SLC26A7: variants seen among roughly 807,000 people sequenced by gnomAD.
SLC26A7 encodes solute carrier family 26 member 7, also known as anion exchange transporter.
SLC26A7 carries 59 observed loss-of-function variants against 82.5 expected under a neutral mutation model. That is an observed-to-expected ratio of 0.72 (90% CI 0.58 to 0.89). SLC26A7 has a LOEUF of 0.89. SLC26A7 is among the 40% of genes least tolerant of loss of function. The probability of loss-of-function intolerance (pLI) is 0.00; values close to 1 mark genes in which losing one functional copy is unlikely to be tolerated. For synonymous variants in SLC26A7, 271 were observed against 274.3 expected (o/e 0.99, Z 0.12); for missense variants, 820 against 793.0 (o/e 1.03, Z -0.41).
At chr8:91,316,113 A>G (rs999792237) in intron 4 of SLC26A7, among the ~76,000 whole-genome samples, 4 of 152,134 alleles carry the variant, frequency 2.6e-5, no homozygotes, top group African/African-American at 9.7e-5. Flanking sequence ...TTATTGTATT[A>G]TGATCAGAAT....
At chr8:91,280,018 G>A (rs1237268726) in intron 2 of SLC26A7, among the ~76,000 whole-genome samples, 1 of 152,030 alleles carries the variant, frequency 6.6e-6, no homozygotes, top group Non-Finnish European at 1.5e-5. Context: ...CCTCTCATTC[G>A]ATGTATGGTT....
intron 10 of SLC26A7, among the ~76,000 whole-genome samples, chr8:91,352,106 A>G (rs1050775914): frequency 3.3e-5 from 5 of 151,998 alleles, no homozygotes; most frequent in Admixed American, 2.6e-4. Context: ...TGGCTCTCAC[A>G]TAAGAATGGT....
At chr8:91,215,551 G>T (rs1352168749) in intron 1 of SLC26A7, among the ~76,000 whole-genome samples, 1 of 152,052 alleles carries the variant, frequency 6.6e-6, no homozygotes, top group African/African-American at 2.4e-5. Flanking sequence ...GTGTTTGTTT[G>T]CTTTAGAAAA....
chr8:91,376,813 G>C (rs564335782), intron 15 of SLC26A7, among the ~76,000 whole-genome samples: 10 of 152,144 alleles, frequency 6.6e-5, no homozygotes, highest in Non-Finnish European at 1.3e-4. Context: ...GGTCTCCAGG[G>C]AAGGGGCAGT....
intron 2 of SLC26A7, among the ~76,000 whole-genome samples, chr8:91,277,143 C>A (rs76496187): frequency 0.023 from 3,441 of 152,222 alleles, 119 homozygotes; most frequent in African/African-American, 0.079. Flanking sequence ...TACTAATGCA[C>A]CCTCAGGAAC....
intron 2 of SLC26A7, among the ~76,000 whole-genome samples, chr8:91,258,993 A>G (rs1162120929): frequency 6.6e-6 from 1 of 152,066 alleles, no homozygotes; most frequent in East Asian, 1.9e-4. Context: ...CTTGCTTCAC[A>G]TGATCTCCTT....
At chr8:91,305,058 T>C (rs1293451621) in intron 4 of SLC26A7, among the ~76,000 whole-genome samples, 1 of 152,150 alleles carries the variant, frequency 6.6e-6, no homozygotes, top group Non-Finnish European at 1.5e-5. Context: ...CCAGGAAATA[T>C]TTTTTACACA....
chr8:91,362,557 A>G lies in SLC26A7; in HGVS notation c.1421+98A>G, dbSNP rs992194666. 2.7e-5 allele frequency: 22 copies of G among 822,902 alleles called. No individual in the cohort carries two copies. The Middle Eastern group carries it at 7.2e-4, about 27-fold the overall frequency. The allele number at this position is 822,902 out of a possible 1,614,324, so 51.0% of individuals were successfully genotyped here. ...TTGCTAGTTACTTTTATTTCTCTGT[A>G]ACATATAGTACTACAATCTCATGTT... On this transcript the variant is annotated intron_variant, in intron 12 of 18. Coordinates refer to ENST00000276609, the MANE Select transcript of SLC26A7 (RefSeq NM_052832.4).
At chr8:91,253,575 TAGAGTA>T (rs1186856501) in intron 2 of SLC26A7, among the ~76,000 whole-genome samples, 2 of 152,116 alleles carry the variant, frequency 1.3e-5, no homozygotes, top group Non-Finnish European at 2.9e-5. Context: ...ATATTTTCTC[TAGAGTA>T]AAAGTCCATT....
At chr8:91,282,911 GC>G (rs1811612961) in intron 2 of SLC26A7, among the ~76,000 whole-genome samples, 1 of 152,074 alleles carries the variant, frequency 6.6e-6, no homozygotes, top group Non-Finnish European at 1.5e-5. Flanking sequence ...TACTCTTCAT[GC>G]TTTTTTGTTC....
intron 15 of SLC26A7, among the ~76,000 whole-genome samples, chr8:91,387,117 C>A (rs1171545935): frequency 1.3e-5 from 2 of 151,932 alleles, no homozygotes; most frequent in African/African-American, 4.8e-5. Flanking sequence ...TAGAACATTT[C>A]CAAAAATGCA....
At chr8:91,319,886 G>T (rs1219898154) in intron 5 of SLC26A7, among the ~76,000 whole-genome samples, 1 of 152,136 alleles carries the variant, frequency 6.6e-6, no homozygotes, top group Non-Finnish European at 1.5e-5. Context: ...AGGGTAGCCT[G>T]CTGTGAGAAT....
chr8:91,229,568 G>A (rs573184170), intron 2 of SLC26A7, among the ~76,000 whole-genome samples: 120 of 151,990 alleles, frequency 7.9e-4, no homozygotes, highest in Non-Finnish European at 1.4e-3. Context: ...GCATTTTGAC[G>A]TAAGTTGTAA....
chr8:91,342,085 G>A (rs1813434570), intron 8 of SLC26A7, among the ~76,000 whole-genome samples: 1 of 151,152 alleles, frequency 6.6e-6, no homozygotes, highest in Non-Finnish European at 1.5e-5. Context: ...GCACCACCAT[G>A]CCTGGCTACT....
chr8:91,386,303 G>T (rs541306310), intron 15 of SLC26A7, among the ~76,000 whole-genome samples: 24 of 152,066 alleles, frequency 1.6e-4, no homozygotes, highest in Admixed American at 4.6e-4. Context: ...AAATAATAAG[G>T]CTTAAATATC....
intron 2 of SLC26A7, among the ~76,000 whole-genome samples, chr8:91,264,882 T>A (rs371045026): frequency 6.6e-6 from 1 of 152,016 alleles, no homozygotes; most frequent in East Asian, 1.9e-4. Context: ...TCTTCATCAT[T>A]TTTTTGTGGT....
intron 2 of SLC26A7, among the ~76,000 whole-genome samples, chr8:91,285,940 G>T (rs1811698987): frequency 6.6e-6 from 1 of 152,162 alleles, no homozygotes; most frequent in South Asian, 2.1e-4. Flanking sequence ...TTGGTTTTCT[G>T]AATACTTGCT....
chr8:91,303,950 T>G (rs1396123084), intron 4 of SLC26A7, among the ~76,000 whole-genome samples: 1 of 152,208 alleles, frequency 6.6e-6, no homozygotes, highest in African/African-American at 2.4e-5. Context: ...TTACTCTGTT[T>G]AATCTAAATC....
intron 6 of SLC26A7, among the ~76,000 whole-genome samples, chr8:91,335,853 C>G (rs373915145): frequency 6.6e-6 from 1 of 152,238 alleles, no homozygotes; most frequent in Admixed American, 6.5e-5. Context: ...TTTTCCTAGT[C>G]GTTTATGTTC....
Sources: gnomAD v4.1 joint callset for allele counts (sites outside exome capture counted in the v4.1 genomes callset) on GRCh38, gnomAD v4.1.1 for gene constraint, MANE v1.5 for transcripts, NCBI Gene and HGNC (gene_info 2026-07-23, HGNC 2026-07-21) for gene names.